ZKSCAN2: variants seen among roughly 807,000 people sequenced by gnomAD.
ZKSCAN2 encodes zinc finger with KRAB and SCAN domains 2.
A neutral mutation model predicts 90.5 loss-of-function variants in ZKSCAN2; 38 were observed. That is an observed-to-expected ratio of 0.42 (90% CI 0.32 to 0.55). The LOEUF is 0.55. Ranked by LOEUF, ZKSCAN2 falls within the 20% of genes least tolerant of loss-of-function variation. ZKSCAN2 has a pLI of 0.11. For missense variants in ZKSCAN2, 1,167 were observed against 1,202.6 expected (o/e 0.97, Z 0.44); for synonymous variants, 429 against 421.6 (o/e 1.02, Z -0.22).
At chr16:25,254,872 C>T (rs1268910981) in intron 2 of ZKSCAN2, among the ~76,000 whole-genome samples, 1 of 151,370 alleles carries the variant, frequency 6.6e-6, no homozygotes, top group Non-Finnish European at 1.5e-5. Flanking sequence ...CGGCTTACTG[C>T]AGCCTCAACC....
chr16:25,253,921 T>C (rs1963058047), intron 2 of ZKSCAN2, among the ~76,000 whole-genome samples: 2 of 152,170 alleles, frequency 1.3e-5, no homozygotes, highest in African/African-American at 4.8e-5. Flanking sequence ...GGCACGAGAA[T>C]TGCTGGAACC....
At chr16:25,248,464 CAAAT>C (rs1364322835) in intron 4 of ZKSCAN2, among the ~76,000 whole-genome samples, 6 of 151,878 alleles carry the variant, frequency 4.0e-5, no homozygotes. Context: ...ACAAACCAAA[CAAAT>C]AATCTCATTA....
intron 4 of ZKSCAN2, among the ~76,000 whole-genome samples, 171 bp from the exon 5 acceptor site, chr16:25,247,561 T>C (rs1387318334): frequency 6.6e-6 from 1 of 152,222 alleles, no homozygotes; most frequent in African/African-American, 2.4e-5. Context: ...ATCTACTAAC[T>C]TACACGATCA....
intron 5 of ZKSCAN2, chr16:25,246,450 A>G (rs1030383824): frequency 5.7e-6 from 3 of 530,566 alleles, no homozygotes; most frequent in Non-Finnish European, 1.0e-5. Flanking sequence ...TCCTTCCACA[A>G]GGACCCAAAC....
chr16:25,255,519 G>A, intron 1 of ZKSCAN2, 127 bp from the exon 2 acceptor site: 1 of 1,033,200 alleles, frequency 9.7e-7, no homozygotes, highest in Non-Finnish European at 1.4e-6. Flanking sequence ...TCCATTCCCA[G>A]TGGAGTCTCT....
In ZKSCAN2 at chr16:25,236,288, G is replaced by T. The variant is rs1241493308; in HGVS notation, c.*3528C>A. On this transcript the variant is annotated 3_prime_UTR_variant, in exon 7 of 7. Coordinates refer to ENST00000328086, the MANE Select transcript of ZKSCAN2 (RefSeq NM_001012981.5). The stretch of plus-strand genomic sequence containing the variant: ...AGCCTACCTGCCACTGGTTATCGAG[G>T]TGCTTGGGGGGTGCCTGCTGTGGAC... 1 of 152,216 alleles carries T rather than the reference G, an allele frequency of 6.6e-6. No homozygotes were observed. Among genetic ancestry groups the T allele is most frequent in the East Asian group, 1.9e-4 (1 of 5,192 alleles). The allele number at this position is 152,216 out of a possible 1,614,324, so 9.4% of individuals were successfully genotyped here. A position where few individuals can be genotyped will look rare whatever the true frequency, so the allele number is the denominator to read the frequency against.
rs777212497 is a variant in ZKSCAN2, at chr16:25,247,162, T to A, written c.1034A>T (p.Tyr345Phe). ...DEKIAGVHWS[Y>F]EETKTFLAIL... is the part of the protein sequence containing the mutation. ...TGCCAGGAAAGTCTTTGTTTCCTCATAGCTCCAATGCACACCTGCTATCTT... is the reference window on the plus strand; with the variant it reads ...TGCCAGGAAAGTCTTTGTTTCCTCAAAGCTCCAATGCACACCTGCTATCTT... The change falls in exon 5 of 7, where the codon TAT becomes TTT. Residue 345 changes from tyrosine (Y) to phenylalanine (F), a missense_variant. By Grantham distance (22) the Tyr-to-Phe change is conservative. Transcript: ENST00000328086. 1 of 1,614,214 alleles carries A rather than the reference T, an allele frequency of 6.2e-7. No homozygotes were observed. The highest frequency in any genetic ancestry group is 8.5e-7 in the Non-Finnish European group (1 of 1,180,032).
In ZKSCAN2 at chr16:25,251,921, C is replaced by T. The variant is rs151071438; in HGVS notation, c.793G>A (p.Val265Met). ...AAGGAATCCTTACCCAGGGAGACCA[C>T]GTTCCCAACATTCTCCTTCCTGAAA... ...RDFRKENVGN[V>M]VSLGSAVSTS... Residue 265 changes from valine (V) to methionine (M), a missense_variant, in exon 4 of 7, where the codon GTG becomes ATG. Val to Met is a conservative substitution (Grantham distance 21). Transcript: ENST00000328086. 3.1e-4 allele frequency: 496 copies of T among 1,613,976 alleles called. 1 individual carries two copies. The highest frequency in any genetic ancestry group is 3.9e-4 in the Non-Finnish European group (459 of 1,179,988).
chr16:25,247,019 A>C lies in ZKSCAN2; in HGVS notation c.1177T>G (p.Cys393Gly). The change falls in exon 5 of 7, where the codon TGT becomes GGT. Residue 393 changes from cysteine to glycine, a missense_variant. Physicochemically the swap from Cys to Gly is radical, Grantham distance 159. Transcript: ENST00000328086. ...TGGAGACTTTTGAACTTGGTTCGACACTGTTCTGGGGTTCTAAGGAAGCCA... is the reference window on the plus strand; with the variant it reads ...TGGAGACTTTTGAACTTGGTTCGACCCTGTTCTGGGGTTCTAAGGAAGCCA... ...ECGFLRTPEQCRTKFKSLQKS... is the reference protein window; with the variant it reads ...ECGFLRTPEQGRTKFKSLQKS... 6.2e-7 allele frequency: 1 copy of C among 1,614,150 alleles called. No individual in the cohort carries two copies. Among genetic ancestry groups the C allele is most frequent in the Non-Finnish European group, 8.5e-7 (1 of 1,180,026 alleles).
rs540726705 is a variant in ZKSCAN2 at position 25,244,285 on chromosome 16, T to C, written c.1490-9A>G. 1.4e-5 allele frequency: 23 copies of C among 1,608,266 alleles called. No individual in the cohort carries two copies. The Admixed American group carries it at 1.5e-4, about 11-fold the overall frequency. ...ATAGCCCCAGTGCACGCCTGCCATTTGGGGATAAAGTTCACAATGTAACAA... is the reference window on the plus strand; with the variant it reads ...ATAGCCCCAGTGCACGCCTGCCATTCGGGGATAAAGTTCACAATGTAACAA... On this transcript the variant is annotated splice_polypyrimidine_tract_variant and intron_variant, in intron 5 of 6. Coordinates refer to ENST00000328086, the MANE Select transcript of ZKSCAN2 (RefSeq NM_001012981.5).
intron 4 of ZKSCAN2, 93 bp downstream of exon 4, chr16:25,251,816 G>GTTAA (rs1963025078): frequency 6.8e-7 from 1 of 1,463,904 alleles, no homozygotes; most frequent in African/African-American, 1.4e-5. Context: ...TCCTTTAAGT[G>GTTAA]TTAACATTTC....
rs12930369 is a variant in ZKSCAN2, at chr16:25,237,283, T to A, written c.*2533A>T. On this transcript the variant is annotated 3_prime_UTR_variant, in exon 7 of 7. Transcript: ENST00000328086. ...GGAGACAGGTAGTGTTGGTCTAAAA[T>A]GGGGGGGAGACCTTCCATTTCTTCA... 1 of 152,034 alleles carries A rather than the reference T, an allele frequency of 6.6e-6. No individual in the cohort carries two copies. Among genetic ancestry groups the A allele is most frequent in the Non-Finnish European group, 1.5e-5 (1 of 67,980 alleles). 9.4% of individuals were successfully genotyped at this position (152,034 alleles called of 1,614,324 possible). A position where few individuals can be genotyped will look rare whatever the true frequency, so the allele number is the denominator to read the frequency against.
At chr16:25,241,088 A>C (rs1365851441) in intron 6 of ZKSCAN2, among the ~76,000 whole-genome samples, 3 of 152,182 alleles carry the variant, frequency 2.0e-5, no homozygotes, top group Non-Finnish European at 4.4e-5. Flanking sequence ...CACCACACTG[A>C]TCTCTAGATT....
chr16:25,255,409 A>G lies in ZKSCAN2; in HGVS notation c.400-17T>C, dbSNP rs748133774. The G allele has an allele frequency of 8.1e-6, 13 of 1,605,578 alleles. No homozygotes were observed. Among genetic ancestry groups the G allele is most frequent in the East Asian group, 4.5e-5 (2 of 44,794 alleles). On this transcript the variant is annotated splice_polypyrimidine_tract_variant and intron_variant, in intron 1 of 6. Transcript: ENST00000328086. ...ACTGCTGACCTGAGAAATGAAGTCA[A>G]TACCATAAGAGGGAGTAAAACAGGC...
intron 3 of ZKSCAN2, among the ~76,000 whole-genome samples, chr16:25,252,589 G>A (rs964463981): frequency 6.6e-6 from 1 of 152,024 alleles, no homozygotes; most frequent in Non-Finnish European, 1.5e-5. Flanking sequence ...AGAAAGCATT[G>A]CGCCTAAACA....
At position 25,236,778 on chromosome 16, in the gene ZKSCAN2, T is replaced by C. The variant is rs1962773592; in HGVS notation, c.*3038A>G. On this transcript the variant is annotated 3_prime_UTR_variant, in exon 7 of 7. Coordinates refer to ENST00000328086, the MANE Select transcript of ZKSCAN2 (RefSeq NM_001012981.5). ...CATCACTGGTAAGAACTGGAGGTAT[T>C]TGTGGCAGTAACAAAGCAAGCCTAG... is the stretch of plus-strand genomic sequence containing the variant. 2 of 152,168 alleles carry C rather than the reference T, an allele frequency of 1.3e-5. No individual in the cohort carries two copies. Among genetic ancestry groups the C allele is most frequent in the South Asian group, 2.1e-4 (1 of 4,824 alleles). The allele number at this position is 152,168 out of a possible 1,614,324, so 9.4% of individuals were successfully genotyped here. A position where few individuals can be genotyped will look rare whatever the true frequency, so the allele number is the denominator to read the frequency against.
rs764483366 is a variant in ZKSCAN2, at chr16:25,239,873, C to G, written c.2847G>C (p.Leu949=). ...CCTTATGTGGGTTCTCAGGGCAATA[C>G]AGAGATGGAGGGTGTGGCAGAGGCT... The part of the protein sequence containing the change: ...REKPLPHPPS[L]YCPENPHKGK... Residue 949 remains leucine, a synonymous_variant, in exon 7 of 7, where the codon CTG becomes CTC. Coordinates refer to ENST00000328086, the MANE Select transcript of ZKSCAN2 (RefSeq NM_001012981.5). 9 of 1,613,248 alleles carry G rather than the reference C, an allele frequency of 5.6e-6. No individual in the cohort carries two copies. Among genetic ancestry groups the G allele is most frequent in the Non-Finnish European group, 7.6e-6 (9 of 1,179,728 alleles).
rs376654450 is a variant in ZKSCAN2, at chr16:25,239,922, T to C, written c.2798A>G (p.His933Arg). The C allele has an allele frequency of 5.0e-6, 8 of 1,614,110 alleles. No homozygotes were observed. The highest frequency in any genetic ancestry group is 4.0e-5 in the African/African-American group (3 of 74,938). Residue 933 changes from histidine to arginine, a missense_variant, in exon 7 of 7, where the codon CAT becomes CGT. Coordinates refer to ENST00000328086, the MANE Select transcript of ZKSCAN2 (RefSeq NM_001012981.5). Reference protein sequence around the residue: ...RFSKSSVLTKHREVHVREKPL... With the variant: ...RFSKSSVLTKRREVHVREKPL... ...CTTTTCTCTCACATGAACTTCCCGATGTTTGGTAAGAACAGAACTCTTACT... is the reference window on the plus strand; with the variant it reads ...CTTTTCTCTCACATGAACTTCCCGACGTTTGGTAAGAACAGAACTCTTACT...
intron 5 of ZKSCAN2, chr16:25,246,306 G>A (rs571219745): frequency 7.3e-5 from 12 of 165,450 alleles, no homozygotes; most frequent in African/African-American, 2.6e-4. Context: ...TGTTGAAACT[G>A]TTACAAAATT....
Sources: allele counts gnomAD v4.1 joint callset (sites outside exome capture counted in the v4.1 genomes callset), GRCh38; gene constraint gnomAD v4.1.1; transcripts MANE v1.5; gene names NCBI Gene and HGNC (gene_info 2026-07-23, HGNC 2026-07-21).